Variants in TRAK1 observed in about 807,000 individuals in gnomAD.
TRAK1 encodes the protein trafficking kinesin-binding protein 1.
A neutral mutation model predicts 92.1 loss-of-function variants in TRAK1; 33 were observed. The ratio of observed to expected loss-of-function variants is 0.36; its 90% confidence interval spans 0.27 to 0.48. The LOEUF (loss-of-function observed/expected upper bound fraction) is 0.48. Among genes scored for constraint, TRAK1 ranks in the 20% least tolerant of loss-of-function variants. The pLI is 0.99. For missense variants in TRAK1, 1,123 were observed against 1,257.9 expected, an observed-to-expected ratio of 0.89 and a Z score of 1.62; for synonymous variants, 521 against 517.3, an observed-to-expected ratio of 1.01 and a Z score of -0.10.
At chr3:42,174,364 G>A (rs901689387) in intron 2 of TRAK1, among the ~76,000 whole-genome samples, 7 of 152,200 alleles carry the variant, frequency 4.6e-5, no homozygotes, top group Non-Finnish European at 8.8e-5. Context: ...ACAAATAAGT[G>A]CAAGTAAAAC....
chr3:42,161,794 G>A (rs1469183755), intron 2 of TRAK1, among the ~76,000 whole-genome samples: 1 of 152,286 alleles, frequency 6.6e-6, no homozygotes, highest in Admixed American at 6.5e-5. Flanking sequence ...ATTCTGGCTG[G>A]TGCCTTTCTG....
At chr3:42,031,255 T>G (rs537912512) in intron 1 of TRAK1, among the ~76,000 whole-genome samples, 2 of 151,800 alleles carry the variant, frequency 1.3e-5, no homozygotes, top group South Asian at 4.2e-4. Context: ...GCCAGGCTGG[T>G]CTCGAACGCC....
Position 42,202,416 on chromosome 3 carries a change from A to T in TRAK1, c.1428-20A>T. Reference sequence around the variant, plus strand: ...GGAGCCCTGCTGGCATTCCACCCTCACACCCCTTTCTTCTTCCAGAAACGA... The same window carrying T: ...GGAGCCCTGCTGGCATTCCACCCTCTCACCCCTTTCTTCTTCCAGAAACGA... On this transcript the variant is annotated intron_variant, in intron 12 of 15. Transcript: ENST00000327628. The surrounding 1 kb of genome is among the most constrained non-coding windows in gnomAD (Gnocchi z 6.1). The T allele has an allele frequency of 6.8e-7, 1 of 1,468,460 alleles. No homozygotes were observed. The highest frequency in any genetic ancestry group is 9.0e-7 in the Non-Finnish European group (1 of 1,106,036). The allele number at this position is 1,468,460 out of a possible 1,614,324, so 91.0% of individuals were successfully genotyped here. A position where few individuals can be genotyped will look rare whatever the true frequency, so the allele number is the denominator to read the frequency against.
At position 42,194,636 on chromosome 3, in the gene TRAK1, G is replaced by A. The variant is rs34671206; in HGVS notation, c.976-168G>A. Among the ~76,000 whole-genome samples the A allele has an allele frequency of 5.5e-4, 84 of 152,334 alleles. No homozygotes were observed. In the East Asian group the frequency reaches 0.012, roughly 22 times the overall value. On this transcript the variant is annotated intron_variant, in intron 9 of 15. Transcript: ENST00000327628. ...AAGCTTGCCTCAAGTCAAAGAAAAAGCAAGCCTTTGAAAATTCTGTTATTT... is the reference window on the plus strand; with the variant it reads ...AAGCTTGCCTCAAGTCAAAGAAAAAACAAGCCTTTGAAAATTCTGTTATTT...
intron 15 of TRAK1, among the ~76,000 whole-genome samples, chr3:42,222,269 C>T (rs540290098): frequency 3.3e-5 from 5 of 151,524 alleles, no homozygotes; most frequent in East Asian, 1.9e-4. Context: ...TGTCTCCCCG[C>T]GACCCTCTAA....
At position 42,223,764 on chromosome 3, in the gene TRAK1, G is replaced by T; in HGVS notation, c.*27G>T. On this transcript the variant is annotated 3_prime_UTR_variant, in exon 16 of 16. Transcript: ENST00000327628. The surrounding 1 kb of genome is among the most constrained non-coding windows in gnomAD (Gnocchi z 6.1). ...GACTGGAGGGGGGCCGGTTGCCCTA[G>T]AGGAGACCCACGTTCTCCTCTCTTG... 6.4e-7 allele frequency: 1 copy of T among 1,569,694 alleles called. No homozygotes were observed. Among genetic ancestry groups the T allele is most frequent in the Non-Finnish European group, 8.7e-7 (1 of 1,153,070 alleles).
intron 1 of TRAK1, among the ~76,000 whole-genome samples, chr3:42,016,118 C>G (rs958801805): frequency 1.3e-5 from 2 of 152,132 alleles, no homozygotes; most frequent in African/African-American, 4.8e-5. Context: ...GAATGGAGTT[C>G]TTAAACTTTC....
intron 2 of TRAK1, among the ~76,000 whole-genome samples, chr3:42,156,658 A>G (rs1043222937): frequency 6.6e-6 from 1 of 152,254 alleles, no homozygotes; most frequent in Non-Finnish European, 1.5e-5. Flanking sequence ...ATTAGAAATT[A>G]GAAATTCACC....
intron 1 of TRAK1, among the ~76,000 whole-genome samples, chr3:42,105,595 T>G (rs1276107416): frequency 6.6e-5 from 10 of 152,310 alleles, no homozygotes; most frequent in East Asian, 3.9e-4. Flanking sequence ...GAAACACTCT[T>G]CAGGATATTA....
At chr3:42,109,925 G>A (rs1246446862) in intron 1 of TRAK1, among the ~76,000 whole-genome samples, 2 of 151,360 alleles carry the variant, frequency 1.3e-5, no homozygotes, top group Admixed American at 1.3e-4. Flanking sequence ...ACACAGGATG[G>A]GGAACATCAC....
At chr3:42,195,490 G>A (rs1706478545) in intron 10 of TRAK1, among the ~76,000 whole-genome samples, 1 of 152,126 alleles carries the variant, frequency 6.6e-6, no homozygotes. Flanking sequence ...AGATAGGAGC[G>A]GATGGCTGCG....
chr3:42,175,503 AG>A (rs1703097942), intron 2 of TRAK1, among the ~76,000 whole-genome samples: 2 of 152,062 alleles, frequency 1.3e-5, no homozygotes. Flanking sequence ...CTTGGACAGG[AG>A]GGATCTCATG....
At chr3:42,163,555 G>A (rs1367023112) in intron 2 of TRAK1, among the ~76,000 whole-genome samples, 4 of 150,114 alleles carry the variant, frequency 2.7e-5, no homozygotes, top group African/African-American at 7.4e-5. Context: ...GCGGCAGAGC[G>A]AGACTCCATC....
chr3:42,099,432 C>T (rs546272401), intron 1 of TRAK1, among the ~76,000 whole-genome samples: 1 of 152,304 alleles, frequency 6.6e-6, no homozygotes, highest in Non-Finnish European at 1.5e-5. Context: ...GAGCAAGACC[C>T]TAATCTTGAC....
At chr3:42,198,809 C>G (rs1478691297) in intron 10 of TRAK1, among the ~76,000 whole-genome samples, 1 of 152,048 alleles carries the variant, frequency 6.6e-6, no homozygotes, top group African/African-American at 2.4e-5. Context: ...TGGAAATTCA[C>G]CTGTCTCCAT....
chr3:42,182,851 G>C lies in TRAK1; in HGVS notation c.364-1834G>C, dbSNP rs4267622. Among the ~76,000 whole-genome samples the C allele has an allele frequency of 5.3e-3, 810 of 152,072 alleles. 14 individuals are homozygous for C. Among genetic ancestry groups the C allele is most frequent in the African/African-American group, 0.019 (771 of 41,456 alleles). On this transcript the variant is annotated intron_variant, in intron 3 of 15. Coordinates refer to ENST00000327628, the MANE Select transcript of TRAK1 (RefSeq NM_001042646.3). ...TATCCAAGACGTTAGAAATAAAAGC[G>C]GATTTTTCTCTTTATTCTAAAACTC...
rs113748092 is a variant in TRAK1 at position 42,202,796 on chromosome 3, C to T, written c.1744+44C>T. ...GGCCCCTCTCTGTCCTCCTGGGGGA[C>T]TCCCTTTGGTCCCTGATCCACCTGC... On this transcript the variant is annotated intron_variant, in intron 13 of 15. Transcript: ENST00000327628. This position sits in a 1 kb window ranked among gnomAD's most constrained non-coding sequence, Gnocchi z 6.1. 3.6e-4 allele frequency: 585 copies of T among 1,606,978 alleles called. 3 individuals are homozygous for T. The African/African-American group carries it at 6.7e-3, about 18-fold the overall frequency.
upstream of TRAK1, among the ~76,000 whole-genome samples, chr3:42,085,519 A>G (rs531353589): frequency 2.1e-4 from 32 of 152,298 alleles, 1 homozygote; most frequent in South Asian, 6.4e-3. Context: ...CAGCTAAGGG[A>G]TACTCCGCCT....
chr3:42,042,732 A>G (rs945892352), intron 1 of TRAK1, among the ~76,000 whole-genome samples: 2 of 151,982 alleles, frequency 1.3e-5, no homozygotes, highest in Non-Finnish European at 2.9e-5. Flanking sequence ...TCTGCTTGCA[A>G]ATTGTTTTTC....
Sources: gnomAD v4.1 joint callset for allele counts (sites outside exome capture counted in the v4.1 genomes callset) on GRCh38, gnomAD v4.1.1 for gene constraint, Gnocchi (gnomAD v3.1) non-coding constraint, MANE v1.5 for transcripts, NCBI Gene and HGNC (gene_info 2026-07-23, HGNC 2026-07-21) for gene names.